Variants in TEKT3 observed in about 807,000 individuals in gnomAD.
The protein encoded by TEKT3 is tektin 3.
A neutral mutation model predicts 49.8 loss-of-function variants in TEKT3; 49 were observed. The ratio of observed to expected loss-of-function variants is 0.98; its 90% CI spans 0.78 to 1.25. The LOEUF (loss-of-function observed/expected upper bound fraction) is 1.25, where lower values mean the gene tolerates loss of function less well. Among genes scored for constraint, TEKT3 ranks in the 50% most tolerant of loss-of-function variants. The probability of loss-of-function intolerance (pLI) is 0.00; values close to 1 mark genes in which losing one functional copy is unlikely to be tolerated. For synonymous variants in TEKT3, 225 were observed against 237.2 expected (o/e 0.95, Z 0.47); for missense variants, 595 against 629.5 (o/e 0.95, Z 0.59).
intron 5 of TEKT3, among the ~76,000 whole-genome samples, chr17:15,315,981 A>G (rs1448977144): frequency 6.6e-6 from 1 of 152,224 alleles, no homozygotes; most frequent in Non-Finnish European, 1.5e-5. Flanking sequence ...CTGTGCTTTC[A>G]AGCAAATCAC....
chr17:15,312,583 C>G (rs1910821204), intron 6 of TEKT3, 102 bp from the exon 7 acceptor site: 1 of 914,004 alleles, frequency 1.1e-6, no homozygotes, highest in African/African-American at 1.7e-5. Context: ...CCCCAGGTCG[C>G]TGATCCTAGC....
intron 5 of TEKT3, among the ~76,000 whole-genome samples, chr17:15,315,472 T>C (rs994250009): frequency 6.6e-6 from 1 of 151,642 alleles, no homozygotes; most frequent in Non-Finnish European, 1.5e-5. Flanking sequence ...AGGTGAGAGA[T>C]GAAGGCGGCT....
chr17:15,329,495 G>T (rs1242151680), intron 3 of TEKT3, among the ~76,000 whole-genome samples: 1 of 152,230 alleles, frequency 6.6e-6, no homozygotes, highest in Non-Finnish European at 1.5e-5. Flanking sequence ...AATTCTTAAA[G>T]GCAGTCAAGG....
Position 15,335,482 on chromosome 17 carries a change from C to T in TEKT3, c.-29-3868G>A, listed in dbSNP as rs566358393. The stretch of plus-strand genomic sequence containing the variant: ...CAAGGGAGACACTAGAGAGGCCACA[C>T]GTTAGAGGTAGGGCTGAACTATACC... On this transcript the variant is annotated intron_variant, in intron 2 of 8. Coordinates refer to ENST00000395930, the MANE Select transcript of TEKT3 (RefSeq NM_031898.3). Among the ~76,000 whole-genome samples, 15 of 152,240 alleles carry T rather than the reference C, an allele frequency of 9.9e-5. No homozygotes were observed. In the South Asian group the frequency reaches 2.3e-3, roughly 23 times the overall value.
intron 2 of TEKT3, among the ~76,000 whole-genome samples, chr17:15,339,685 G>A (rs1433056307): frequency 6.6e-6 from 1 of 152,166 alleles, no homozygotes; most frequent in Admixed American, 6.5e-5. Flanking sequence ...AAGTTTACAT[G>A]ACTTGCCCCA....
At position 15,303,948 on chromosome 17, in the gene TEKT3, G is replaced by A. The variant is rs1047882; in HGVS notation, c.1461C>T (p.Val487=). 1.4e-5 allele frequency: 23 copies of A among 1,613,880 alleles called. No homozygotes were observed. The Admixed American group carries it at 2.0e-4, about 14-fold the overall frequency. The change falls in exon 9 of 9, where the codon GTC becomes GTT. Residue 487 remains valine, a synonymous_variant. Coordinates refer to ENST00000395930, the MANE Select transcript of TEKT3 (RefSeq NM_031898.3). Reference sequence around the variant, plus strand: ...CCCGGTGGGGTCCCTAGCAGAAGCCGACCAGCCGGAGGGTGTTGGGGTAGC... The same window carrying A: ...CCCGGTGGGGTCCCTAGCAGAAGCCAACCAGCCGGAGGGTGTTGGGGTAGC... ...RKSYPNTLRL[V]GFC
chr17:15,331,774 A>G (rs1205055162), intron 2 of TEKT3, among the ~76,000 whole-genome samples, 160 bp from the exon 3 acceptor site: 2 of 152,172 alleles, frequency 1.3e-5, no homozygotes, highest in South Asian at 2.1e-4. Context: ...TTGATAATAT[A>G]TTCCAACAAA....
chr17:15,309,021 G>A, intron 7 of TEKT3, among the ~76,000 whole-genome samples: 1 of 152,110 alleles, frequency 6.6e-6, no homozygotes. Flanking sequence ...CACCTGCTCT[G>A]GAGAGTGGGC....
At position 15,319,128 on chromosome 17, in the gene TEKT3, C is replaced by T. The variant is rs939287267; in HGVS notation, c.683G>A (p.Cys228Tyr). Residue 228 changes from cysteine (C) to tyrosine (Y), a missense_variant, in exon 5 of 9, where the codon TGT (cysteine) becomes TAT (tyrosine). Physicochemically the swap from Cys to Tyr is radical, Grantham distance 194. Coordinates refer to ENST00000395930, the MANE Select transcript of TEKT3 (RefSeq NM_031898.3). ...ATGTAGCTTCATTCTTTCTTGACAA[C>T]ACAGAATAGTATCAACTTCCTACTC... ...QLLTEVDTILCCQERMKLHLD... is the reference protein window; with the variant it reads ...QLLTEVDTILYCQERMKLHLD... 23 of 1,608,962 alleles carry T rather than the reference C, an allele frequency of 1.4e-5. No individual in the cohort carries two copies. The highest frequency in any genetic ancestry group is 1.6e-5 in the Non-Finnish European group (19 of 1,178,186).
At chr17:15,334,295 A>AT (rs1279394797) in intron 2 of TEKT3, among the ~76,000 whole-genome samples, 1 of 151,854 alleles carries the variant, frequency 6.6e-6, no homozygotes, top group East Asian at 1.9e-4. Flanking sequence ...GCCACAAGTG[A>AT]TCCCCCACCT....
chr17:15,308,530 C>G (rs1024163720), intron 8 of TEKT3, 134 bp downstream of exon 8: 1 of 1,205,886 alleles, frequency 8.3e-7, no homozygotes, highest in Non-Finnish European at 1.2e-6. Context: ...TTCAACATCT[C>G]CCCATTACTA....
In TEKT3 at chr17:15,331,634, A is replaced by G; in HGVS notation, c.-29-20T>C. ...TCTCTCCTGTTAAAAAATAAAAAGT[A>G]AAATAAGACAGTCACATAAAATAAT... On this transcript the variant is annotated intron_variant, in intron 2 of 8. Coordinates refer to ENST00000395930, the MANE Select transcript of TEKT3 (RefSeq NM_031898.3). 1 of 1,513,880 alleles carries G rather than the reference A, an allele frequency of 6.6e-7. No individual in the cohort carries two copies. The highest frequency in any genetic ancestry group is 8.9e-7 in the Non-Finnish European group (1 of 1,122,604). The allele number at this position is 1,513,880 out of a possible 1,614,324, so 93.8% of individuals were successfully genotyped here.
rs1297216442 is a variant in TEKT3, at chr17:15,330,935, T to C, written c.579+72A>G. On this transcript the variant is annotated intron_variant, in intron 3 of 8. Coordinates refer to ENST00000395930, the MANE Select transcript of TEKT3 (RefSeq NM_031898.3). ...ATGAAGTAAAACATAAGTCAATAAA[T>C]AAATAACCACAGTAACTCAACCAGT... 6.4e-6 allele frequency: 9 copies of C among 1,395,418 alleles called. No homozygotes were observed. The African/African-American group carries it at 1.3e-4, about 20-fold the overall frequency. The allele number at this position is 1,395,418 out of a possible 1,614,324, so 86.4% of individuals were successfully genotyped here.
intron 8 of TEKT3, among the ~76,000 whole-genome samples, chr17:15,308,337 G>A (rs1383245778): frequency 2.0e-5 from 3 of 152,148 alleles, no homozygotes; most frequent in African/African-American, 7.2e-5. Flanking sequence ...CACTTTTTGT[G>A]TGTGTAGCGT....
At chr17:15,320,947 A>G (rs1911225607) in intron 4 of TEKT3, among the ~76,000 whole-genome samples, 3 of 151,856 alleles carry the variant, frequency 2.0e-5, no homozygotes, top group African/African-American at 7.3e-5. Flanking sequence ...AATTCTTAGG[A>G]CTTTTAGTGA....
chr17:15,337,666 A>AC (rs1459737931), intron 2 of TEKT3, among the ~76,000 whole-genome samples: 1 of 152,112 alleles, frequency 6.6e-6, no homozygotes. Flanking sequence ...AGATGGTGAA[A>AC]CCCCAACTCC....
chr17:15,338,388 G>A (rs1286037106), intron 2 of TEKT3: 1 of 152,092 alleles, frequency 6.6e-6, no homozygotes, highest in African/African-American at 2.4e-5. Flanking sequence ...GTTCACTGGT[G>A]AATTCTACCA....
chr17:15,318,236 G>T (rs963237716), intron 5 of TEKT3, among the ~76,000 whole-genome samples: 3 of 151,920 alleles, frequency 2.0e-5, no homozygotes, highest in Non-Finnish European at 4.4e-5. Flanking sequence ...TGATCTGCCC[G>T]CCCCGGCCTC....
At chr17:15,318,926 GT>G in intron 5 of TEKT3, 150 bp downstream of exon 5, 1 of 561,854 alleles carries the variant, frequency 1.8e-6, no homozygotes, top group South Asian at 3.5e-5. Context: ...AGTAGCTGGG[GT>G]ATCAAGTAAT....
Sources: gnomAD v4.1 joint callset for allele counts (sites outside exome capture counted in the v4.1 genomes callset) on GRCh38, gnomAD v4.1.1 for gene constraint, MANE v1.5 for transcripts, NCBI Gene and HGNC (gene_info 2026-07-23, HGNC 2026-07-21) for gene names.